Variants in CACNA1C observed in about 807,000 individuals in gnomAD.
CACNA1C encodes the protein calcium voltage-gated channel subunit alpha1 C.
Under a neutral mutation model 229.0 loss-of-function variants are expected in CACNA1C, and 30 were observed. That is an observed-to-expected ratio of 0.13 (90% confidence interval 0.10 to 0.18). The LOEUF is 0.18. Among genes scored for constraint, CACNA1C ranks in the 10% least tolerant of loss-of-function variants. The pLI is 1.00. For synonymous variants in CACNA1C, 1,114 were observed against 1,132.5 expected, an observed-to-expected ratio of 0.98 and a Z score of 0.33; for missense variants, 1,658 against 2,845.0, an observed-to-expected ratio of 0.58 and a Z score of 9.49.
chr12:1,996,627 AAAAAAAAAAAAAAAAAAAAAAAAAAAAAC>A (rs2040875626), intron 1 of CACNA1C, among the ~76,000 whole-genome samples: 1 of 59,716 alleles, frequency 1.7e-5, no homozygotes, highest in Non-Finnish European at 3.1e-5. Context: ...AAAAAAAAAA[AAAAAAAAAAAAAAAAAAAAAAAAAAAAAC>A]AACAAACTCT....
chr12:2,437,595 G>T (rs1288932048), intron 3 of CACNA1C, among the ~76,000 whole-genome samples: 1 of 152,200 alleles, frequency 6.6e-6, no homozygotes, highest in Non-Finnish European at 1.5e-5. Context: ...GAAATGTCCA[G>T]GCTCCGACTG....
intron 3 of CACNA1C, among the ~76,000 whole-genome samples, chr12:2,262,727 A>G (rs955695932): frequency 6.6e-6 from 1 of 152,206 alleles, no homozygotes; most frequent in Admixed American, 6.5e-5. Flanking sequence ...AATGCTAAGA[A>G]TCAGAAAGTT....
At chr12:2,041,270 CTTT>C (rs58922699) in intron 1 of CACNA1C, among the ~76,000 whole-genome samples, 3 of 91,000 alleles carry the variant, frequency 3.3e-5, no homozygotes, top group Admixed American at 1.4e-4. Context: ...TAAGGGTATT[CTTT>C]TTTTTTTTTT....
chr12:2,233,418 C>T (rs2066084468), intron 3 of CACNA1C, among the ~76,000 whole-genome samples: 1 of 152,178 alleles, frequency 6.6e-6, no homozygotes, highest in Admixed American at 6.5e-5. Flanking sequence ...AAAATTCTGC[C>T]TTTAACAAGT....
chr12:2,607,966 T>C (rs1029573736), intron 26 of CACNA1C: 1 of 152,600 alleles, frequency 6.6e-6, no homozygotes, highest in Non-Finnish European at 1.5e-5. Context: ...ACAAGCTTCA[T>C]GGGGCACACA....
intron 1 of CACNA1C, among the ~76,000 whole-genome samples, chr12:2,107,622 A>G (rs531952398): frequency 1.6e-3 from 241 of 152,374 alleles, no homozygotes; most frequent in Middle Eastern, 3.4e-3. Context: ...GAAGAAAGTC[A>G]TCTCTCATTT....
At chr12:1,997,910 CT>C in intron 1 of CACNA1C, 1 of 1,577,060 alleles carries the variant, frequency 6.3e-7, no homozygotes, top group Non-Finnish European at 8.6e-7. Flanking sequence ...AGATTAGTTT[CT>C]TTATAAAAGT....
chr12:2,486,045 A>T lies in CACNA1C; in HGVS notation c.758-59A>T. On this transcript the variant is annotated intron_variant, in intron 5 of 46. Coordinates refer to ENST00000399655, the MANE Select transcript of CACNA1C (RefSeq NM_000719.7). This position sits in a 1 kb window ranked among gnomAD's most constrained non-coding sequence, Gnocchi z 4.9. ...CAGAGTTGCTGGAAGATTGCATGAG[A>T]TGGCGTCAGCACGGTACCGCGGTGA... The T allele has an allele frequency of 7.3e-7, 1 of 1,374,996 alleles. No individual in the cohort carries two copies. The highest frequency in any genetic ancestry group is 9.8e-7 in the Non-Finnish European group (1 of 1,021,702). 85.2% of individuals were successfully genotyped at this position (1,374,996 alleles called of 1,614,324 possible). A position where few individuals can be genotyped will look rare whatever the true frequency, so the allele number is the denominator to read the frequency against.
At chr12:2,634,444 G>A (rs562643219) in intron 30 of CACNA1C, 64 bp downstream of exon 30, 28 of 709,466 alleles carry the variant, frequency 3.9e-5, no homozygotes, top group African/African-American at 1.9e-4. Context: ...GCCTTTTCCC[G>A]GTTTGTTTCC....
intron 2 of CACNA1C, 52 bp downstream of exon 2, chr12:2,115,597 C>G (rs759946747): frequency 6.3e-7 from 1 of 1,579,334 alleles, no homozygotes; most frequent in Admixed American, 1.7e-5. Flanking sequence ...CACGCTGGGT[C>G]CAGCCCTCCG....
At chr12:2,607,420 C>G (rs947588671) in intron 26 of CACNA1C, 3 of 320,272 alleles carry the variant, frequency 9.4e-6, no homozygotes, top group Non-Finnish European at 1.7e-5. Context: ...TCTGTCATTA[C>G]CCTTATGGCA....
rs572542062 is a variant in CACNA1C, at chr12:2,380,079, C to T, written c.478-68897C>T. 1.1e-4 allele frequency among the ~76,000 whole-genome samples: 16 copies of T among 151,834 alleles called. 1 individual carries two copies. In the South Asian group the frequency reaches 2.7e-3, roughly 26 times the overall value. On this transcript the variant is annotated intron_variant, in intron 3 of 46. Transcript: ENST00000399655. Reference sequence around the variant, plus strand: ...TTACCAGCTCTCCTTTGGCACAGGTCCCCTGGTTCCCATCCCCACCCACGT... The same window carrying T: ...TTACCAGCTCTCCTTTGGCACAGGTTCCCTGGTTCCCATCCCCACCCACGT...
chr12:2,121,499 A>G (rs889130828), intron 3 of CACNA1C, among the ~76,000 whole-genome samples: 3 of 152,194 alleles, frequency 2.0e-5, no homozygotes, highest in Non-Finnish European at 4.4e-5. Context: ...CCGCTGATGC[A>G]TAGCAGGTAA....
At chr12:2,073,581 A>G (rs968371037) in intron 1 of CACNA1C, among the ~76,000 whole-genome samples, 2 of 152,230 alleles carry the variant, frequency 1.3e-5, no homozygotes, top group African/African-American at 4.8e-5. Context: ...TGAAAGCCCC[A>G]CAGGAGCAGA....
intron 18 of CACNA1C, among the ~76,000 whole-genome samples, chr12:2,592,696 C>T (rs1601432936): frequency 7.8e-6 from 1 of 127,884 alleles, no homozygotes; most frequent in East Asian, 2.4e-4. Context: ...ATCTCGACAG[C>T]ACATGAATTT....
Position 1,996,322 on chromosome 12 carries a change from A to G in CACNA1C, c.139+25121A>G, listed in dbSNP as rs527268261. Among the ~76,000 whole-genome samples the G allele has an allele frequency of 2.6e-5, 4 of 152,064 alleles. No individual in the cohort carries two copies. The South Asian group carries it at 6.2e-4, about 24-fold the overall frequency. ...AGAGTCTGCCATTCCAAGCTAGCAAATCTCTTTACACTTGCTAACTACTAT... is the reference window on the plus strand; with the variant it reads ...AGAGTCTGCCATTCCAAGCTAGCAAGTCTCTTTACACTTGCTAACTACTAT... On this transcript the variant is annotated intron_variant, in intron 1 of 46. Transcript: ENST00000682462.
At chr12:2,438,343 G>GGTGGTGGTA (rs2099172092) in intron 3 of CACNA1C, among the ~76,000 whole-genome samples, 3 of 97,010 alleles carry the variant, frequency 3.1e-5, no homozygotes, top group Non-Finnish European at 6.7e-5. Context: ...TGATGATAAT[G>GGTGGTGGTA]ATGATGGTGG....
chr12:2,620,196 A>C (rs2082536553), intron 29 of CACNA1C, among the ~76,000 whole-genome samples: 1 of 152,168 alleles, frequency 6.6e-6, no homozygotes, highest in African/African-American at 2.4e-5. Context: ...CTAAGTCCAG[A>C]GCTGGCTTTT....
intron 3 of CACNA1C, among the ~76,000 whole-genome samples, chr12:2,381,923 T>C (rs1270177745): frequency 6.6e-6 from 1 of 152,200 alleles, no homozygotes; most frequent in Non-Finnish European, 1.5e-5. Context: ...TCTGGGAGGA[T>C]TCTGCAGATG....
Sources: allele counts gnomAD v4.1 joint callset (sites outside exome capture counted in the v4.1 genomes callset), GRCh38; gene constraint gnomAD v4.1.1; non-coding constraint Gnocchi (gnomAD v3.1); transcripts MANE v1.5; gene names NCBI Gene and HGNC (gene_info 2026-07-23, HGNC 2026-07-21).